PELI2: variants seen among roughly 807,000 people sequenced by gnomAD.
PELI2 encodes the protein pellino E3 ubiquitin protein ligase family member 2, also known as E3 ubiquitin-protein ligase pellino homolog 2.
In PELI2, 23 loss-of-function variants were observed where a neutral mutation model predicts 42.3. That is an observed-to-expected ratio of 0.54 (90% CI 0.39 to 0.77). The LOEUF (loss-of-function observed/expected upper bound fraction) is 0.77, where lower values mean the gene tolerates loss of function less well. Among genes scored for constraint, PELI2 ranks in the 30% least tolerant of loss-of-function variants. The pLI is 0.00. For missense variants in PELI2, 463 were observed against 553.2 expected (o/e 0.84, Z 1.64); for synonymous variants, 245 against 212.2 (o/e 1.15, Z -1.34).
intron 1 of PELI2, among the ~76,000 whole-genome samples, chr14:56,147,870 A>G (rs1884190041): frequency 6.6e-6 from 1 of 152,240 alleles, no homozygotes; most frequent in African/African-American, 2.4e-5. Flanking sequence ...TTTTGACCAC[A>G]GGATTATTAG....
intron 2 of PELI2, among the ~76,000 whole-genome samples, chr14:56,276,821 G>A (rs1267525417): frequency 5.7e-5 from 5 of 87,476 alleles, no homozygotes; most frequent in Non-Finnish European, 1.4e-4. Context: ...TTTGCCTTAA[G>A]CAACGTACAA....
chr14:56,276,132 T>C (rs143377932), intron 2 of PELI2, among the ~76,000 whole-genome samples: 1 of 152,344 alleles, frequency 6.6e-6, no homozygotes, highest in East Asian at 1.9e-4. Context: ...AAAAGTTCAA[T>C]GCCATATGTA....
chr14:56,279,461 G>A (rs1159468821), intron 2 of PELI2, among the ~76,000 whole-genome samples: 1 of 152,126 alleles, frequency 6.6e-6, no homozygotes, highest in Admixed American at 6.6e-5. Flanking sequence ...ATAAAATATT[G>A]TTCACTTTAA....
intron 2 of PELI2, among the ~76,000 whole-genome samples, chr14:56,195,039 CTG>C (rs1308969915): frequency 6.6e-6 from 1 of 152,208 alleles, no homozygotes; most frequent in African/African-American, 2.4e-5. Context: ...CAGTCTAAAA[CTG>C]TAAACTAGAT....
intron 2 of PELI2, among the ~76,000 whole-genome samples, chr14:56,218,677 C>T (rs1274505228): frequency 1.3e-5 from 2 of 151,920 alleles, no homozygotes; most frequent in Non-Finnish European, 2.9e-5. Flanking sequence ...AGATCCAAGA[C>T]TGTGTGCATG....
intron 1 of PELI2, among the ~76,000 whole-genome samples, chr14:56,150,375 T>C (rs1314047713): frequency 1.3e-5 from 2 of 152,342 alleles, no homozygotes; most frequent in Admixed American, 6.5e-5. Context: ...TGGTCCAATG[T>C]AATCTCGTAA....
intron 1 of PELI2, among the ~76,000 whole-genome samples, chr14:56,128,390 T>G (rs1218511420): frequency 6.6e-6 from 1 of 152,190 alleles, no homozygotes; most frequent in Non-Finnish European, 1.5e-5. Context: ...GAGTTCAAAT[T>G]TATTATCTGG....
At chr14:56,291,546 A>G (rs1047722263) in intron 5 of PELI2, among the ~76,000 whole-genome samples, 2 of 152,256 alleles carry the variant, frequency 1.3e-5, no homozygotes, top group Non-Finnish European at 2.9e-5. Context: ...TAAATTTTGT[A>G]TGAATGTTTT....
intron 1 of PELI2, among the ~76,000 whole-genome samples, chr14:56,145,400 CG>C (rs1884076841): frequency 6.6e-6 from 1 of 152,116 alleles, no homozygotes; most frequent in Non-Finnish European, 1.5e-5. Context: ...ACAGCCAGAC[CG>C]TATCTCTAGG....
intron 2 of PELI2, among the ~76,000 whole-genome samples, chr14:56,179,248 C>T (rs893811834): frequency 2.6e-5 from 4 of 152,012 alleles, no homozygotes; most frequent in Non-Finnish European, 5.9e-5. Context: ...GCATTTCATA[C>T]GGGGCTACTG....
intron 2 of PELI2, among the ~76,000 whole-genome samples, chr14:56,251,944 C>CT (rs1488221163): frequency 1.3e-5 from 2 of 151,940 alleles, no homozygotes; most frequent in South Asian, 2.1e-4. Context: ...CACCGTAATT[C>CT]TTTTTTTTAA....
intron 2 of PELI2, among the ~76,000 whole-genome samples, chr14:56,260,367 G>T (rs1594693194): frequency 6.6e-6 from 1 of 152,256 alleles, no homozygotes; most frequent in African/African-American, 2.4e-5. Context: ...TTTTGGTAAA[G>T]ACACTGAGTA....
chr14:56,205,008 C>T (rs12185058), intron 2 of PELI2, among the ~76,000 whole-genome samples: 57,892 of 142,126 alleles, frequency 0.41, 12,265 homozygotes, highest in South Asian at 0.53. Context: ...GCAGCCTGGG[C>T]GACAGAGCGA....
chr14:56,252,303 GT>G (rs1221510580), intron 2 of PELI2, among the ~76,000 whole-genome samples: 1 of 152,200 alleles, frequency 6.6e-6, no homozygotes, highest in Admixed American at 6.5e-5. Flanking sequence ...AAGCAGAGGT[GT>G]TCCTATACCT....
chr14:56,201,350 C>T (rs1388280275), intron 2 of PELI2, among the ~76,000 whole-genome samples: 1 of 152,166 alleles, frequency 6.6e-6, no homozygotes, highest in Non-Finnish European at 1.5e-5. Flanking sequence ...GGCCTGCAAG[C>T]CTCCTTCCAC....
intron 2 of PELI2, among the ~76,000 whole-genome samples, chr14:56,230,955 A>G (rs1171197040): frequency 1.3e-5 from 2 of 152,228 alleles, no homozygotes; most frequent in African/African-American, 4.8e-5. Flanking sequence ...AGGGGTTGCA[A>G]TCCTAGTCTC....
In PELI2 at chr14:56,269,207, A is replaced by G. The variant is rs117413562; in HGVS notation, c.208-10469A>G. 7.5e-3 allele frequency among the ~76,000 whole-genome samples: 1,140 copies of G among 152,302 alleles called. 8 individuals carry two copies. Among genetic ancestry groups the G allele is most frequent in the Non-Finnish European group, 0.012 (819 of 68,024 alleles). ...TATAGTCCCGGCACTTTAGGAGGCC[A>G]AGGCAGACAGATCGCTTGAGCCTAG... On this transcript the variant is annotated intron_variant, in intron 2 of 5. Transcript: ENST00000267460.
chr14:56,155,859 C>T (rs1884548681), intron 1 of PELI2, among the ~76,000 whole-genome samples: 1 of 152,106 alleles, frequency 6.6e-6, no homozygotes, highest in Non-Finnish European at 1.5e-5. Flanking sequence ...GCTGGGATTA[C>T]AGGCGTGAGC....
At position 56,181,410 on chromosome 14, in the gene PELI2, A is replaced by G. The variant is rs148086143; in HGVS notation, c.207+2946A>G. Among the ~76,000 whole-genome samples the G allele has an allele frequency of 6.7e-3, 930 of 139,676 alleles. 10 individuals are homozygous for G. The highest frequency in any genetic ancestry group is 0.024 in the African/African-American group (891 of 36,942). 91.6% of individuals were successfully genotyped at this position (139,676 alleles called of 152,430 possible). On this transcript the variant is annotated intron_variant, in intron 2 of 5. Transcript: ENST00000267460. ...CCCCTTAAGAATGCCAGTAAATGTC[A>G]TGGTACTTGGCAGACACTGGCCTGA...
Sources: allele counts gnomAD v4.1 joint callset (sites outside exome capture counted in the v4.1 genomes callset), GRCh38; gene constraint gnomAD v4.1.1; transcripts MANE v1.5; gene names NCBI Gene and HGNC (gene_info 2026-07-23, HGNC 2026-07-21).